Variants in ANKRD44 observed in about 807,000 individuals in gnomAD.
The protein encoded by ANKRD44 is serine/threonine-protein phosphatase 6 regulatory ankyrin repeat subunit B.
A neutral mutation model predicts 116.0 loss-of-function variants in ANKRD44; 35 were observed. The observed-to-expected ratio is 0.30, with a 90% CI of 0.23 to 0.40. The LOEUF is 0.40. ANKRD44 is among the 10% of genes least tolerant of loss of function. The pLI is 1.00. For missense variants in ANKRD44, 1,014 were observed against 1,242.6 expected (o/e 0.82, Z 2.77); for synonymous variants, 435 against 461.8 (o/e 0.94, Z 0.74).
chr2:197,136,322 CT>C (rs1485105051), intron 4 of ANKRD44: 2 of 483,818 alleles, frequency 4.1e-6, no homozygotes, highest in Admixed American at 3.5e-5. Context: ...TAATGATATG[CT>C]TTCTGCTTTG....
rs983543398 is a variant in ANKRD44 at position 197,067,105 on chromosome 2, A to G, written c.1650+11598T>C. Among the ~76,000 whole-genome samples the G allele has an allele frequency of 5.4e-4, 82 of 152,348 alleles. 1 individual carries two copies. The highest frequency in any genetic ancestry group is 1.8e-3 in the African/African-American group (75 of 41,574). ...ACAGAGATACAGACCAATGGAACAG[A>G]ACAGAGCCCTCAGAAATAATACCAC... On this transcript the variant is annotated intron_variant, in intron 16 of 27. Coordinates refer to ENST00000282272, the MANE Select transcript of ANKRD44 (RefSeq NM_001195144.2).
chr2:197,165,028 TACCTCCTGAAGA>T (rs1351102701), intron 2 of ANKRD44, among the ~76,000 whole-genome samples: 1 of 152,160 alleles, frequency 6.6e-6, no homozygotes, highest in Non-Finnish European at 1.5e-5. Flanking sequence ...TCATTCTCCC[TACCTCCTGAAGA>T]TGTGTGAGAT....
intron 1 of ANKRD44, among the ~76,000 whole-genome samples, chr2:197,231,410 C>A (rs1263888118): frequency 1.3e-5 from 2 of 151,926 alleles, no homozygotes; most frequent in Non-Finnish European, 2.9e-5. Flanking sequence ...GCCTGAGCAA[C>A]AGAGTGAGTC....
At chr2:197,226,458 GA>G (rs1212693499) in intron 1 of ANKRD44, among the ~76,000 whole-genome samples, 1 of 152,196 alleles carries the variant, frequency 6.6e-6, no homozygotes, top group African/African-American at 2.4e-5. Context: ...GAGGTCAGGA[GA>G]TTGAGATCAT....
Position 196,986,717 on chromosome 2 carries a change from C to A in ANKRD44, c.*2874G>T. On this transcript the variant is annotated 3_prime_UTR_variant, in exon 28 of 28. Coordinates refer to ENST00000282272, the MANE Select transcript of ANKRD44 (RefSeq NM_001195144.2). ...TAAAAATAACCATCTGAATGCATTTCCATAGTATATTACAGTTAAGTACTT... is the reference window on the plus strand; with the variant it reads ...TAAAAATAACCATCTGAATGCATTTACATAGTATATTACAGTTAAGTACTT... The A allele has an allele frequency of 1.0e-6, 1 of 978,070 alleles. No homozygotes were observed. Among genetic ancestry groups the A allele is most frequent in the African/African-American group, 1.7e-5 (1 of 57,180 alleles). 60.6% of individuals were successfully genotyped at this position (978,070 alleles called of 1,614,324 possible).
rs779017539 is a variant in ANKRD44 at position 197,099,897 on chromosome 2, T to C, written c.1019A>G (p.Asn340Ser). 3 of 1,614,170 alleles carry C rather than the reference T, an allele frequency of 1.9e-6. No homozygotes were observed. Among genetic ancestry groups the C allele is most frequent in the Non-Finnish European group, 2.5e-6 (3 of 1,180,012 alleles). Residue 340 changes from asparagine (N) to serine (S), a missense_variant, in exon 10 of 28, where the codon AAC becomes AGC. Transcript: ENST00000282272. ...GEIDCVDKDG[N>S]TPLHVAARYG... ...TCTTGCAGCCACATGGAGAGGAGTG[T>C]TGCCGTCCTTATCCACACAGTCAAT...
At chr2:197,213,096 A>G (rs2081360824) in intron 1 of ANKRD44, among the ~76,000 whole-genome samples, 1 of 152,150 alleles carries the variant, frequency 6.6e-6, no homozygotes, top group African/African-American at 2.4e-5. Context: ...CCATGGTGGC[A>G]CCTTCCAAAG....
chr2:197,208,148 G>A (rs1041270299), intron 1 of ANKRD44, among the ~76,000 whole-genome samples: 1 of 152,182 alleles, frequency 6.6e-6, no homozygotes, highest in African/African-American at 2.4e-5. Flanking sequence ...CATCTTCTAA[G>A]TAACTCCACA....
chr2:197,035,557 ATTTC>A (rs1432207373), intron 16 of ANKRD44, among the ~76,000 whole-genome samples: 1 of 152,074 alleles, frequency 6.6e-6, no homozygotes, highest in Admixed American at 6.6e-5. Flanking sequence ...TTAAAAATGG[ATTTC>A]TTTATCTTTT....
downstream of ANKRD44, among the ~76,000 whole-genome samples, chr2:196,986,438 C>CT (rs2075838518): frequency 6.8e-6 from 1 of 147,818 alleles, no homozygotes; most frequent in African/African-American, 2.7e-5. Context: ...AAACAAAACC[C>CT]TTTATGGAAA....
At chr2:197,076,012 G>A (rs528967420) in intron 16 of ANKRD44, among the ~76,000 whole-genome samples, 6 of 152,230 alleles carry the variant, frequency 3.9e-5, no homozygotes, top group Admixed American at 6.5e-5. Flanking sequence ...CTACTCCAGC[G>A]CCCAGAGGAC....
chr2:197,102,551 G>C (rs574379686), intron 9 of ANKRD44, among the ~76,000 whole-genome samples: 1 of 152,222 alleles, frequency 6.6e-6, no homozygotes, highest in East Asian at 1.9e-4. Context: ...TATTATGAGG[G>C]AAGTTGAACA....
chr2:197,114,330 T>C (rs973782131), intron 8 of ANKRD44, among the ~76,000 whole-genome samples: 15 of 152,240 alleles, frequency 9.9e-5, no homozygotes, highest in Admixed American at 6.5e-5. Flanking sequence ...AATTTAGGGC[T>C]TTGAAATTAT....
At chr2:197,045,443 C>T (rs1384572306) in intron 16 of ANKRD44, among the ~76,000 whole-genome samples, 1 of 145,094 alleles carries the variant, frequency 6.9e-6, no homozygotes, top group Non-Finnish European at 1.5e-5. Flanking sequence ...TTTATTTCCA[C>T]CTGTGTTATT....
chr2:197,119,877 C>T (rs2078811556), intron 8 of ANKRD44, among the ~76,000 whole-genome samples: 1 of 152,136 alleles, frequency 6.6e-6, no homozygotes, highest in Non-Finnish European at 1.5e-5. Context: ...ATTATGAATG[C>T]TGCGTGATAA....
At chr2:197,044,579 T>C in intron 16 of ANKRD44, among the ~76,000 whole-genome samples, 1 of 152,180 alleles carries the variant, frequency 6.6e-6, no homozygotes. Context: ...CAGGCTGGTC[T>C]CAAACTCCTG....
rs569519141 is a variant in ANKRD44, at chr2:197,013,597, G to A, written c.1838C>T (p.Thr613Ile). 3 of 1,614,174 alleles carry A rather than the reference G, an allele frequency of 1.9e-6. No homozygotes were observed. In the South Asian group the frequency reaches 3.3e-5, roughly 18 times the overall value. Reference protein sequence around the residue: ...ALDLAAFKGHTECVEALINQG... With the variant: ...ALDLAAFKGHIECVEALINQG... ...ATTGATAAGCGCTTCCACACATTCT[G>A]TGTGTCCTTTAAAGGCAGCCAGATC... is the stretch of plus-strand genomic sequence containing the variant. The change falls in exon 18 of 28, where the codon ACA becomes ATA. Residue 613 changes from threonine to isoleucine, a missense_variant. By Grantham distance (89) the Thr-to-Ile change is moderately conservative. Coordinates refer to ENST00000282272, the MANE Select transcript of ANKRD44 (RefSeq NM_001195144.2).
At chr2:197,310,491 G>A (rs1459135255) in intron 1 of ANKRD44, 87 bp downstream of exon 1, 36 of 916,232 alleles carry the variant, frequency 3.9e-5, no homozygotes, top group South Asian at 9.6e-5. Flanking sequence ...GCTCGCGGGC[G>A]CGCTCCAGCC....
At chr2:197,069,330 A>T (rs1026673508) in intron 16 of ANKRD44, among the ~76,000 whole-genome samples, 1 of 152,206 alleles carries the variant, frequency 6.6e-6, no homozygotes, top group Admixed American at 6.5e-5. Flanking sequence ...GGATAGCATT[A>T]GGAGATATAC....
Sources: gnomAD v4.1 joint callset for allele counts (sites outside exome capture counted in the v4.1 genomes callset) on GRCh38, gnomAD v4.1.1 for gene constraint, MANE v1.5 for transcripts, NCBI Gene and HGNC (gene_info 2026-07-23, HGNC 2026-07-21) for gene names.